Variants in MRC1 observed in about 807,000 individuals in gnomAD.
MRC1 encodes macrophage mannose receptor 1.
In MRC1, 62 loss-of-function variants were observed where a neutral mutation model predicts 102.9. The ratio of observed to expected loss-of-function variants is 0.60; its 90% CI spans 0.49 to 0.74. MRC1 has a LOEUF of 0.74. Among genes scored for constraint, MRC1 ranks in the 30% least tolerant of loss-of-function variants. The pLI is 0.00. For missense variants in MRC1, 1,237 were observed against 862.8 expected (o/e 1.43, Z -5.43); for synonymous variants, 457 against 298.4 (o/e 1.53, Z -5.48).
At chr10:17,813,581 T>C (rs1314064137) in intron 1 of MRC1, among the ~76,000 whole-genome samples, 1 of 150,980 alleles carries the variant, frequency 6.6e-6, no homozygotes, top group Non-Finnish European at 1.5e-5. Flanking sequence ...TCAGTGTTTG[T>C]ATCTAGAAGG....
chr10:17,839,627 A>G (rs1339782574), intron 4 of MRC1, among the ~76,000 whole-genome samples: 5 of 152,276 alleles, frequency 3.3e-5, no homozygotes, highest in Non-Finnish European at 7.4e-5. Flanking sequence ...TGAGCACCAT[A>G]GTGAGACTCC....
Position 17,881,188 on chromosome 10 carries a change from A to G in MRC1, c.2980+7A>G. The G allele has an allele frequency of 1.3e-6, 1 of 779,774 alleles. No homozygotes were observed. The highest frequency in any genetic ancestry group is 1.7e-5 in the Admixed American group (1 of 58,880). 48.3% of individuals were successfully genotyped at this position (779,774 alleles called of 1,614,324 possible). A position where few individuals can be genotyped will look rare whatever the true frequency, so the allele number is the denominator to read the frequency against. On this transcript the variant is annotated splice_region_variant and intron_variant, in intron 21 of 29. Coordinates refer to ENST00000569591, the MANE Select transcript of MRC1 (RefSeq NM_002438.4). The stretch of plus-strand genomic sequence containing the variant: ...CAAAATGAAAAAGAGCAAGGTAGGC[A>G]GGCCATTTTGCAATTAGTTGTGTGT...
intron 3 of MRC1, among the ~76,000 whole-genome samples, chr10:17,831,258 C>T (rs2130607894): frequency 6.6e-6 from 1 of 151,324 alleles, no homozygotes; most frequent in Admixed American, 6.6e-5. Context: ...TAAAACATCT[C>T]TATCTTCAAA....
Position 17,903,392 on chromosome 10 carries a change from C to CTTTTTT in MRC1, c.3799+1286_3799+1291dup, listed in dbSNP as rs35118275. On this transcript the variant is annotated intron_variant, in intron 26 of 29. Transcript: ENST00000569591. Reference sequence around the variant, plus strand: ...TTTTCTTTTTCTTTTCTTTTTTTTTCTTTTTTTTTTTTTTTTTTTTTGAGA... The same window carrying CTTTTTT: ...TTTTCTTTTTCTTTTCTTTTTTTTTCTTTTTTTTTTTTTTTTTTTTTTTTTTTGAGA... Among the ~76,000 whole-genome samples, 34 of 88,832 alleles carry CTTTTTT rather than the reference C, an allele frequency of 3.8e-4. 2 individuals carry two copies. The highest frequency in any genetic ancestry group is 4.4e-4 in the Non-Finnish European group (20 of 45,212). The allele number at this position is 88,832 out of a possible 152,430, so 58.3% of individuals were successfully genotyped here.
chr10:17,889,059 C>T (rs1041977376), intron 22 of MRC1, among the ~76,000 whole-genome samples: 9 of 152,080 alleles, frequency 5.9e-5, no homozygotes, highest in Non-Finnish European at 8.8e-5. Flanking sequence ...CTATAGTCTG[C>T]TCTGTCTGAA....
intron 2 of MRC1, among the ~76,000 whole-genome samples, chr10:17,825,289 G>A (rs1365071615): frequency 1.3e-5 from 2 of 152,150 alleles, no homozygotes; most frequent in East Asian, 1.9e-4. Context: ...AACCAGAATT[G>A]TAGACTTAGA....
chr10:17,811,965 G>C (rs1428355243), intron 1 of MRC1, among the ~76,000 whole-genome samples: 4 of 152,270 alleles, frequency 2.6e-5, no homozygotes, highest in East Asian at 1.9e-4. Flanking sequence ...CACCTGCTTA[G>C]TTAGCAGCAG....
rs945635224 is a variant in MRC1 at position 17,866,731 on chromosome 10, C to T, written c.1953C>T (p.Gly651=). ...TPEPKCPEDW[G]ASSRTSLCFK... is the part of the protein sequence containing the mutation. ...AACCCAAATGTCCGGAGGATTGGGG[C>T]GCCAGCAGTAGAACAAGCTTGTGTT... is the stretch of plus-strand genomic sequence containing the variant. The change falls in exon 12 of 30, where the codon GGC becomes GGT. Residue 651 remains glycine, a synonymous_variant. Transcript: ENST00000569591. 20 of 780,606 alleles carry T rather than the reference C, an allele frequency of 2.6e-5. No individual in the cohort carries two copies. Among genetic ancestry groups the T allele is most frequent in the Admixed American group, 1.2e-4 (7 of 59,008 alleles). 48.4% of individuals were successfully genotyped at this position (780,606 alleles called of 1,614,324 possible). A position where few individuals can be genotyped will look rare whatever the true frequency, so the allele number is the denominator to read the frequency against.
chr10:17,814,805 T>G (rs1047642881), intron 1 of MRC1, among the ~76,000 whole-genome samples: 1 of 149,562 alleles, frequency 6.7e-6, no homozygotes, highest in Non-Finnish European at 1.5e-5. Context: ...CCAGGGATTA[T>G]AGGCGTGCAC....
intron 2 of MRC1, among the ~76,000 whole-genome samples, chr10:17,824,029 A>G (rs1554838508): frequency 1.3e-5 from 2 of 152,224 alleles, no homozygotes; most frequent in Non-Finnish European, 2.9e-5. Flanking sequence ...TAAAATCTCT[A>G]GGATTAGCTT....
intron 1 of MRC1, among the ~76,000 whole-genome samples, chr10:17,810,453 G>A (rs916447647): frequency 6.6e-6 from 1 of 152,170 alleles, no homozygotes; most frequent in African/African-American, 2.4e-5. Context: ...GGAAGAGAGT[G>A]TTTTAGTACC....
chr10:17,811,830 T>G (rs1838227992), intron 1 of MRC1, among the ~76,000 whole-genome samples: 1 of 152,110 alleles, frequency 6.6e-6, no homozygotes, highest in South Asian at 2.1e-4. Context: ...CTGGTGATCC[T>G]CCCACTTTGG....
Position 17,840,284 on chromosome 10 carries a change from G to T in MRC1, c.803-409G>T, listed in dbSNP as rs932170994. Among the ~76,000 whole-genome samples the T allele has an allele frequency of 6.5e-5, 8 of 124,010 alleles. No homozygotes were observed. The East Asian group carries it at 1.7e-3, about 26-fold the overall frequency. 81.4% of individuals were successfully genotyped at this position (124,010 alleles called of 152,430 possible). ...TTAATCATCATGTTAACGAAGAAGA[G>T]AAATTGACTTTAAAAAATGATAAAA... On this transcript the variant is annotated intron_variant, in intron 4 of 29. Coordinates refer to ENST00000569591, the MANE Select transcript of MRC1 (RefSeq NM_002438.4).
chr10:17,849,556 CCG>C (rs1554840455), intron 6 of MRC1, 21 bp from the exon 7 acceptor site: 1 of 671,778 alleles, frequency 1.5e-6, no homozygotes, highest in South Asian at 1.5e-5. Flanking sequence ...AAATTTTTTT[CCG>C]ACCCCCCTTT....
intron 3 of MRC1, among the ~76,000 whole-genome samples, chr10:17,830,095 A>T (rs1838546280): frequency 6.6e-6 from 1 of 151,278 alleles, no homozygotes; most frequent in Non-Finnish European, 1.5e-5. Context: ...AGTCTGTTTC[A>T]TTTTGTGTTC....
chr10:17,897,578 A>G (rs1454874390), intron 23 of MRC1, among the ~76,000 whole-genome samples: 17 of 152,252 alleles, frequency 1.1e-4, no homozygotes, highest in African/African-American at 4.1e-4. Context: ...GAAGTCAAAC[A>G]GATACAAACT....
At chr10:17,874,414 A>G (rs1833397852) in intron 16 of MRC1, among the ~76,000 whole-genome samples, 1 of 152,098 alleles carries the variant, frequency 6.6e-6, no homozygotes, top group Non-Finnish European at 1.5e-5. Flanking sequence ...CTGCATAAGG[A>G]TACTTGTTAC....
intron 26 of MRC1, 55 bp from the exon 27 acceptor site, chr10:17,906,831 T>C (rs1479125957): frequency 1.3e-6 from 1 of 780,322 alleles, no homozygotes; most frequent in African/African-American, 1.7e-5. Flanking sequence ...TTTACAAAAA[T>C]ATTTTCAGCT....
In MRC1 at chr10:17,895,567, A is replaced by T. The variant is rs1051300419; in HGVS notation, c.3250+1255A>T. Among the ~76,000 whole-genome samples, 28 of 152,276 alleles carry T rather than the reference A, an allele frequency of 1.8e-4. No individual in the cohort carries two copies. In the East Asian group the frequency reaches 4.6e-3, roughly 25 times the overall value. ...GTCCTATATCTTGTGTGCCTTAAAC[A>T]TGTGGATATATGATCTGAGTTTCTT... On this transcript the variant is annotated intron_variant, in intron 23 of 29. Transcript: ENST00000569591.
Sources: allele counts gnomAD v4.1 joint callset (sites outside exome capture counted in the v4.1 genomes callset), GRCh38; gene constraint gnomAD v4.1.1; transcripts MANE v1.5; gene names NCBI Gene and HGNC (gene_info 2026-07-23, HGNC 2026-07-21).